The following DNAH12 variants were observed in gnomAD, a reference collection of about 807,000 sequenced individuals.
The protein encoded by DNAH12 is axonemal beta dynein heavy chain 12.
In DNAH12, 285 loss-of-function variants were observed where a neutral mutation model predicts 371.5. That is an observed-to-expected ratio of 0.77 (90% confidence interval 0.70 to 0.85). The LOEUF is 0.85. Among genes scored for constraint, DNAH12 ranks in the 40% least tolerant of loss-of-function variants. DNAH12 has a pLI of 0.00. For synonymous variants in DNAH12, 1,200 were observed against 1,213.0 expected (o/e 0.99, Z 0.22); for missense variants, 3,611 against 3,689.4 (o/e 0.98, Z 0.55).
chr3:57,442,129 T>C (rs977485443), intron 29 of DNAH12, among the ~76,000 whole-genome samples: 1 of 152,104 alleles, frequency 6.6e-6, no homozygotes, highest in African/African-American at 2.4e-5. Flanking sequence ...AAAGACATTT[T>C]CAGACAGACA....
chr3:57,342,491 A>AT (rs1374442882), intron 60 of DNAH12, among the ~76,000 whole-genome samples: 2 of 143,612 alleles, frequency 1.4e-5, no homozygotes, highest in East Asian at 4.1e-4. Flanking sequence ...ATACAAAAAA[A>AT]AAAAAAAAAA....
chr3:57,531,157 T>G (rs1007032194), intron 2 of DNAH12, among the ~76,000 whole-genome samples: 1 of 152,236 alleles, frequency 6.6e-6, no homozygotes, highest in Non-Finnish European at 1.5e-5. Flanking sequence ...ATTAACATCC[T>G]TTTCTTTCTG....
chr3:57,520,956 C>T (rs546905133), intron 4 of DNAH12, among the ~76,000 whole-genome samples: 1 of 148,632 alleles, frequency 6.7e-6, no homozygotes, highest in Non-Finnish European at 1.5e-5. Context: ...AAATTTTCTG[C>T]AGGAGGCTGA....
Position 57,510,976 on chromosome 3 carries a change from TGAACTGA to T in DNAH12, c.280-4_282del. The T allele has an allele frequency of 6.3e-7, 1 of 1,587,978 alleles. No individual in the cohort carries two copies. The highest frequency in any genetic ancestry group is 8.5e-7 in the Non-Finnish European group (1 of 1,173,526). ...ACACATTGCTTCATATAAATATAGT[TGAACTGA>T]GAACATAAGAAAAAATTAAATGTTC... On this transcript the variant is annotated splice_acceptor_variant and splice_polypyrimidine_tract_variant and coding_sequence_variant and intron_variant, in exon 5 of 74. Coordinates refer to ENST00000495027, the MANE Select transcript of DNAH12 (RefSeq NM_001366028.2). LOFTEE classifies it high-confidence loss of function.
At chr3:57,352,486 A>C (rs1415265030) in intron 59 of DNAH12, among the ~76,000 whole-genome samples, 1 of 152,152 alleles carries the variant, frequency 6.6e-6, no homozygotes, top group East Asian at 1.9e-4. Flanking sequence ...CTCTGCACGT[A>C]TTTTTCTGTG....
At chr3:57,387,555 G>A (rs2063521091) in intron 45 of DNAH12, among the ~76,000 whole-genome samples, 1 of 152,216 alleles carries the variant, frequency 6.6e-6, no homozygotes, top group African/African-American at 2.4e-5. Flanking sequence ...GAAGCTGCTA[G>A]TTGCCCACCC....
the DNAH12 span, among the ~76,000 whole-genome samples, chr3:57,549,744 C>A: frequency 2.6e-5 from 4 of 151,922 alleles, no homozygotes; most frequent in Non-Finnish European, 5.9e-5. Flanking sequence ...CCACCTCAGC[C>A]TCCAGAGTAG....
chr3:57,526,487 C>A (rs1247606391), intron 2 of DNAH12, among the ~76,000 whole-genome samples: 1 of 149,424 alleles, frequency 6.7e-6, no homozygotes, highest in Non-Finnish European at 1.5e-5. Flanking sequence ...GACAGAGCAG[C>A]CCATTCATCT....
chr3:57,487,299 G>A (rs1435943589), intron 12 of DNAH12, among the ~76,000 whole-genome samples: 2 of 121,532 alleles, frequency 1.6e-5, no homozygotes, highest in Admixed American at 9.5e-5. Flanking sequence ...AAGGAAGGAA[G>A]GAAGGAAGGG....
chr3:57,523,683 AATAT>A (rs1194131326), intron 3 of DNAH12, 74 bp from the exon 4 acceptor site: 2 of 1,298,146 alleles, frequency 1.5e-6, no homozygotes. Context: ...TTAAAAATTA[AATAT>A]ATAGTTTAAA....
At chr3:57,518,094 G>A (rs1015867319) in intron 4 of DNAH12, among the ~76,000 whole-genome samples, 1 of 151,674 alleles carries the variant, frequency 6.6e-6, no homozygotes, top group Non-Finnish European at 1.5e-5. Flanking sequence ...TCTATATTAT[G>A]CCCTCACTGT....
chr3:57,472,712 T>A, intron 13 of DNAH12, 41 bp from the exon 14 acceptor site: 1 of 1,521,684 alleles, frequency 6.6e-7, no homozygotes, highest in Non-Finnish European at 8.8e-7. Context: ...ATATAGAAAA[T>A]CTACATCATT....
At chr3:57,515,537 G>A (rs1575717427) in intron 4 of DNAH12, among the ~76,000 whole-genome samples, 1 of 152,056 alleles carries the variant, frequency 6.6e-6, no homozygotes, top group Non-Finnish European at 1.5e-5. Flanking sequence ...TTGAGCCCAG[G>A]AGTTCAAGGC....
intron 25 of DNAH12, among the ~76,000 whole-genome samples, chr3:57,450,529 C>G (rs1559675505): frequency 6.6e-6 from 1 of 152,202 alleles, no homozygotes; most frequent in Non-Finnish European, 1.5e-5. Flanking sequence ...GCCTGGGCAA[C>G]AAGAGCGAAA....
chr3:57,356,539 C>T (rs1162311900), intron 59 of DNAH12, among the ~76,000 whole-genome samples: 1 of 151,446 alleles, frequency 6.6e-6, no homozygotes, highest in Non-Finnish European at 1.5e-5. Context: ...AGACCTCAGT[C>T]TTGGAGAAAG....
At chr3:57,438,181 G>A (rs2065189008) in intron 29 of DNAH12, among the ~76,000 whole-genome samples, 1 of 151,984 alleles carries the variant, frequency 6.6e-6, no homozygotes. Flanking sequence ...CGTGGTGGCG[G>A]GCACCTGTAA....
chr3:57,474,427 G>T (rs2153381447), intron 13 of DNAH12, among the ~76,000 whole-genome samples: 1 of 152,152 alleles, frequency 6.6e-6, no homozygotes, highest in Non-Finnish European at 1.5e-5. Flanking sequence ...CTCCCAAGTA[G>T]CTGGGATTAC....
At chr3:57,495,350 C>T (rs148382060) in intron 11 of DNAH12, among the ~76,000 whole-genome samples, 1,877 of 147,752 alleles carry the variant, frequency 0.013, 77 homozygotes, top group East Asian at 0.12. Context: ...CCTGAGGTCA[C>T]GAGTTCGAGA....
At chr3:57,445,548 A>AT (rs11427137) in intron 27 of DNAH12, 129 bp from the exon 28 acceptor site, 324,909 of 737,398 alleles carry the variant, frequency 0.44, 76,367 homozygotes, top group Middle Eastern at 0.54. Flanking sequence ...CTAAACTCTA[A>AT]TTTTTTTTAG....
Sources: allele counts gnomAD v4.1 joint callset (sites outside exome capture counted in the v4.1 genomes callset), GRCh38; gene constraint gnomAD v4.1.1; transcripts MANE v1.5; gene names NCBI Gene and HGNC (gene_info 2026-07-23, HGNC 2026-07-21).